Variants in IQGAP2 observed in about 807,000 individuals in gnomAD.
The protein encoded by IQGAP2 is ras GTPase-activating-like protein IQGAP2.
In IQGAP2, 173 loss-of-function variants were observed where a neutral mutation model predicts 201.3. That is an observed-to-expected ratio of 0.86 (90% confidence interval 0.76 to 0.98). The LOEUF is 0.98. Ranked by LOEUF, IQGAP2 falls within the 50% of genes least tolerant of loss-of-function variation. IQGAP2 has a pLI of 0.00. For synonymous variants in IQGAP2, 675 were observed against 673.9 expected, an observed-to-expected ratio of 1.00 and a Z score of -0.03; for missense variants, 1,687 against 1,864.8, an observed-to-expected ratio of 0.90 and a Z score of 1.76.
intron 5 of IQGAP2, among the ~76,000 whole-genome samples, chr5:76,584,206 A>C (rs145190143): frequency 1.9e-4 from 29 of 152,250 alleles, no homozygotes; most frequent in Non-Finnish European, 3.8e-4. Context: ...CTGTTCCATA[A>C]ATAGTAATTA....
rs748724577 is a variant in IQGAP2 at position 76,695,471 on chromosome 5, G to A, written c.4011G>A (p.Thr1337=). 20 of 1,613,496 alleles carry A rather than the reference G, an allele frequency of 1.2e-5. No homozygotes were observed. Among genetic ancestry groups the A allele is most frequent in the South Asian group, 1.1e-4 (10 of 91,058 alleles). Residue 1337 remains threonine, a synonymous_variant, in exon 32 of 36, where the codon ACG becomes ACA. Transcript: ENST00000274364. ...CTTTTCAGGAGGTAGACCATGCCAC[G>A]GACATGGTGAGCCGTGCAATGATAG... is the stretch of plus-strand genomic sequence containing the variant. ...ATAQQEVDHA[T]DMVSRAMIDS...
intron 13 of IQGAP2, 52 bp downstream of exon 13, chr5:76,611,235 G>T (rs773270240): frequency 1.4e-6 from 2 of 1,425,018 alleles, no homozygotes; most frequent in East Asian, 4.6e-5. Flanking sequence ...GGGTGGCAGA[G>T]GGAGAGAAGG....
intron 2 of IQGAP2, among the ~76,000 whole-genome samples, chr5:76,488,493 G>A (rs1561409532): frequency 1.3e-5 from 2 of 152,156 alleles, no homozygotes; most frequent in Non-Finnish European, 2.9e-5. Flanking sequence ...GAAAGATTCT[G>A]TGCTTCTGAA....
chr5:76,672,732 G>A (rs1416845190), intron 24 of IQGAP2, among the ~76,000 whole-genome samples: 2 of 152,098 alleles, frequency 1.3e-5, no homozygotes, highest in African/African-American at 2.4e-5. Context: ...TACACAAATT[G>A]CATTACACCC....
Position 76,403,457 on chromosome 5 carries a change from C to T in IQGAP2, c.-89C>T, listed in dbSNP as rs1348868996. The T allele has an allele frequency of 3.0e-6, 3 of 1,012,400 alleles. No individual in the cohort carries two copies. Among genetic ancestry groups the T allele is most frequent in the Non-Finnish European group, 2.6e-6 (2 of 765,654 alleles). The allele number at this position is 1,012,400 out of a possible 1,614,324, so 62.7% of individuals were successfully genotyped here. ...AAATCGGCGAGAGGCGGGATCCGAG[C>T]GCGCCGGCGGGGCGCAGAGCCCGCG... On this transcript the variant is annotated 5_prime_UTR_variant, in exon 1 of 36. Transcript: ENST00000274364. The surrounding 1 kb of genome is among the most constrained non-coding windows in gnomAD (Gnocchi z 4.8).
At chr5:76,669,496 C>T (rs1304667451) in intron 23 of IQGAP2, among the ~76,000 whole-genome samples, 3 of 151,968 alleles carry the variant, frequency 2.0e-5, no homozygotes, top group African/African-American at 7.3e-5. Flanking sequence ...ATGAAGGACG[C>T]GTCTAAATGA....
intron 14 of IQGAP2, 127 bp from the exon 15 acceptor site, chr5:76,631,732 T>C: frequency 1.6e-6 from 1 of 629,548 alleles, no homozygotes; most frequent in Non-Finnish European, 2.6e-6. Context: ...GCATATGTGG[T>C]AAATATTCTC....
At chr5:76,504,284 T>A (rs1344274755) in intron 2 of IQGAP2, among the ~76,000 whole-genome samples, 1 of 152,198 alleles carries the variant, frequency 6.6e-6, no homozygotes, top group Admixed American at 6.5e-5. Context: ...AGGCAGAGTC[T>A]TTGGATACAG....
intron 1 of IQGAP2, among the ~76,000 whole-genome samples, chr5:76,455,491 CA>C (rs1308875522): frequency 2.0e-5 from 3 of 149,152 alleles, no homozygotes; most frequent in African/African-American, 7.4e-5. Flanking sequence ...CAAACAAAAC[CA>C]ACAAGTGTTA....
chr5:76,593,771 G>T (rs1344459528), intron 9 of IQGAP2, among the ~76,000 whole-genome samples: 1 of 152,116 alleles, frequency 6.6e-6, no homozygotes, highest in Non-Finnish European at 1.5e-5. Context: ...TTAAAATTTG[G>T]AGTATCCACT....
At chr5:76,634,524 T>G (rs1037291768) in intron 15 of IQGAP2, among the ~76,000 whole-genome samples, 1 of 152,158 alleles carries the variant, frequency 6.6e-6, no homozygotes, top group African/African-American at 2.4e-5. Context: ...CCTCCCAAAG[T>G]GCTGAGATTA....
chr5:76,556,035 A>G (rs1430358588), intron 2 of IQGAP2, among the ~76,000 whole-genome samples: 5 of 152,140 alleles, frequency 3.3e-5, no homozygotes, highest in Admixed American at 6.5e-5. Flanking sequence ...AATTTAGGAC[A>G]CATACACAAG....
At chr5:76,610,919 T>C in intron 12 of IQGAP2, 101 bp from the exon 13 acceptor site, 1 of 889,142 alleles carries the variant, frequency 1.1e-6, no homozygotes, top group Non-Finnish European at 1.7e-6. Context: ...TTGCATCCTA[T>C]AGCCTTGCTG....
intron 2 of IQGAP2, among the ~76,000 whole-genome samples, chr5:76,560,731 T>C (rs1744307379): frequency 6.6e-6 from 1 of 152,214 alleles, no homozygotes; most frequent in African/African-American, 2.4e-5. Context: ...TAGAATTGTG[T>C]TGCCTTCTTA....
intron 16 of IQGAP2, among the ~76,000 whole-genome samples, chr5:76,639,792 A>C (rs1751424135): frequency 6.6e-6 from 1 of 152,220 alleles, no homozygotes; most frequent in Non-Finnish European, 1.5e-5. Flanking sequence ...GATAGTGAAG[A>C]ACACAGTTTA....
chr5:76,700,770 T>G (rs1196477236), intron 33 of IQGAP2, among the ~76,000 whole-genome samples: 3 of 152,216 alleles, frequency 2.0e-5, no homozygotes, highest in South Asian at 2.1e-4. Flanking sequence ...AAGCTACTTC[T>G]GAAATGACTA....
At chr5:76,554,569 T>A (rs746640698) in intron 2 of IQGAP2, among the ~76,000 whole-genome samples, 23 of 152,306 alleles carry the variant, frequency 1.5e-4, no homozygotes, top group Admixed American at 2.6e-4. Context: ...AGAAGCTGAA[T>A]ATCATTAGCC....
chr5:76,472,355 C>T (rs1755160711), intron 2 of IQGAP2, among the ~76,000 whole-genome samples: 2 of 152,192 alleles, frequency 1.3e-5, no homozygotes, highest in Admixed American at 6.5e-5. Context: ...ACAAGTAGTG[C>T]TTGTAGTTGG....
chr5:76,674,342 T>G (rs1378400728), intron 26 of IQGAP2, 135 bp from the exon 27 acceptor site: 1 of 612,872 alleles, frequency 1.6e-6, no homozygotes, highest in African/African-American at 1.9e-5. Flanking sequence ...AACTCCTTGT[T>G]AGGATTTACA....
Sources: gnomAD v4.1 joint callset for allele counts (sites outside exome capture counted in the v4.1 genomes callset) on GRCh38, gnomAD v4.1.1 for gene constraint, Gnocchi (gnomAD v3.1) non-coding constraint, MANE v1.5 for transcripts, NCBI Gene and HGNC (gene_info 2026-07-23, HGNC 2026-07-21) for gene names.